The following FARP1 variants were observed in gnomAD, a reference collection of about 807,000 sequenced individuals.
FARP1 encodes FERM, ARH/RhoGEF and pleckstrin domain protein 1, also known as FERM, ARHGEF and pleckstrin domain-containing protein 1.
A neutral mutation model predicts 128.8 loss-of-function variants in FARP1; 52 were observed. The observed-to-expected ratio is 0.40, with a 90% confidence interval of 0.32 to 0.51. FARP1 has a LOEUF of 0.51. FARP1 is among the 20% of genes least tolerant of loss of function. The pLI is 0.45. For missense variants in FARP1, 1,333 were observed against 1,367.9 expected (o/e 0.97, Z 0.40); for synonymous variants, 580 against 551.8 (o/e 1.05, Z -0.72).
At chr13:98,193,976 G>A (rs1409456879) in intron 1 of FARP1, among the ~76,000 whole-genome samples, 3 of 151,928 alleles carry the variant, frequency 2.0e-5, no homozygotes, top group African/African-American at 7.3e-5. Flanking sequence ...TTAGTTCATT[G>A]CCTGTTTATT....
At chr13:98,390,512 A>C (rs1890265365) in intron 10 of FARP1, 2 of 443,376 alleles carry the variant, frequency 4.5e-6, no homozygotes, top group Non-Finnish European at 8.0e-6. Flanking sequence ...GAGCCCAGTG[A>C]TCCCTGCCTT....
At chr13:98,380,425 TAAA>T (rs548146531) in intron 6 of FARP1, among the ~76,000 whole-genome samples, 3 of 134,188 alleles carry the variant, frequency 2.2e-5, no homozygotes, top group Non-Finnish European at 3.2e-5. Context: ...AGACTCTGTC[TAAA>T]AAAAAAAAAA....
In FARP1 at chr13:98,263,473, T is replaced by C. The variant is rs1883969442; in HGVS notation, c.171+50060T>C. On this transcript the variant is annotated intron_variant, in intron 2 of 26. Coordinates refer to ENST00000319562, the MANE Select transcript of FARP1 (RefSeq NM_005766.4). ...TTGTCATTACTCTTGTATCATCTTT[T>C]GTACTTGGATCTATTTTCAAGACTG... Among the ~76,000 whole-genome samples the C allele has an allele frequency of 2.0e-5, 3 of 152,256 alleles. No homozygotes were observed. In the South Asian group the frequency reaches 6.2e-4, roughly 32 times the overall value.
At chr13:98,408,317 A>G (rs1891054228) in intron 13 of FARP1, among the ~76,000 whole-genome samples, 2 of 138,762 alleles carry the variant, frequency 1.4e-5, no homozygotes, top group Admixed American at 1.6e-4. Flanking sequence ...AGCGGGTAAT[A>G]TATACTTTTT....
chr13:98,198,411 A>C (rs1273755083), intron 1 of FARP1, among the ~76,000 whole-genome samples: 2 of 152,188 alleles, frequency 1.3e-5, no homozygotes, highest in Admixed American at 6.5e-5. Flanking sequence ...ATTATTAAGC[A>C]ATACAAAGAC....
rs1039103540 is a variant in FARP1, at chr13:98,450,177, A to C, written c.*1860A>C. The stretch of plus-strand genomic sequence containing the variant: ...GAGTGGAGTTTGAGACACACTACAC[A>C]TGAGACACACAATGATGCAGATACT... On this transcript the variant is annotated 3_prime_UTR_variant, in exon 27 of 27. Transcript: ENST00000319562. The C allele has an allele frequency of 2.0e-5, 3 of 152,150 alleles. No homozygotes were observed. The highest frequency in any genetic ancestry group is 7.2e-5 in the African/African-American group (3 of 41,426). The allele number at this position is 152,150 out of a possible 1,614,324, so 9.4% of individuals were successfully genotyped here. A position where few individuals can be genotyped will look rare whatever the true frequency, so the allele number is the denominator to read the frequency against.
intron 18 of FARP1, among the ~76,000 whole-genome samples, chr13:98,435,155 A>G (rs1892204529): frequency 6.6e-6 from 1 of 152,176 alleles, no homozygotes; most frequent in Admixed American, 6.5e-5. Context: ...CCTCCTCCCA[A>G]GGAGGTGCTG....
intron 3 of FARP1, among the ~76,000 whole-genome samples, chr13:98,363,380 C>T (rs1888953138): frequency 6.6e-6 from 1 of 152,186 alleles, no homozygotes; most frequent in African/African-American, 2.4e-5. Context: ...ATAGAATTTT[C>T]TGCATATTGT....
chr13:98,241,112 C>T (rs759161006), intron 2 of FARP1, among the ~76,000 whole-genome samples: 8 of 152,264 alleles, frequency 5.3e-5, no homozygotes, highest in Admixed American at 3.3e-4. Context: ...ATGGGGTGAA[C>T]GAAATTCTTA....
intron 17 of FARP1, among the ~76,000 whole-genome samples, chr13:98,430,528 C>G (rs538871586): frequency 6.6e-6 from 1 of 152,328 alleles, no homozygotes; most frequent in East Asian, 1.9e-4. Flanking sequence ...AGGGCGCTGT[C>G]TGACTCTCAT....
intron 2 of FARP1, chr13:98,333,226 A>T (rs1483117507): frequency 1.3e-5 from 2 of 152,328 alleles, no homozygotes; most frequent in African/African-American, 4.8e-5. Context: ...ATATTAAAGT[A>T]TCAAGCTGTC....
chr13:98,295,088 CACACACACACACACACATATAT>C (rs1222359085), intron 2 of FARP1, among the ~76,000 whole-genome samples: 1 of 84,494 alleles, frequency 1.2e-5, no homozygotes, highest in Non-Finnish European at 2.5e-5. Flanking sequence ...CACACACACA[CACACACACACACACACATATAT>C]CCCCAGGCAT....
intron 2 of FARP1, among the ~76,000 whole-genome samples, chr13:98,251,497 A>G (rs1002451940): frequency 2.0e-5 from 3 of 152,130 alleles, no homozygotes; most frequent in African/African-American, 7.2e-5. Flanking sequence ...AGCCTGGCCA[A>G]CATGGTGAAA....
chr13:98,452,143 CAA>C lies in FARP1; in HGVS notation c.*3827_*3828del, dbSNP rs1389832731. ...CCCTGTCCTCTGAAGAGTCACATTT[CAA>C]GGAGTATGCAAAATAAGCGTGTTAT... is the stretch of plus-strand genomic sequence containing the variant. On this transcript the variant is annotated 3_prime_UTR_variant, in exon 27 of 27. Transcript: ENST00000319562. 2.6e-5 allele frequency: 4 copies of C among 152,146 alleles called. No homozygotes were observed. Among genetic ancestry groups the C allele is most frequent in the African/African-American group, 9.7e-5 (4 of 41,424 alleles). 9.4% of individuals were successfully genotyped at this position (152,146 alleles called of 1,614,324 possible).
chr13:98,228,291 C>T (rs542257741), intron 2 of FARP1, among the ~76,000 whole-genome samples: 8 of 152,256 alleles, frequency 5.3e-5, no homozygotes, highest in East Asian at 1.9e-4. Flanking sequence ...ACCCAGGAGG[C>T]GGAGGCTGCC....
chr13:98,175,739 C>G, intron 1 of FARP1: 1 of 166,316 alleles, frequency 6.0e-6, no homozygotes, highest in Non-Finnish European at 1.3e-5. Context: ...GTAATTTTGA[C>G]AACTCTAGAT....
Position 98,336,492 on chromosome 13 carries a change from G to A in FARP1, c.172-7270G>A, listed in dbSNP as rs1164853502. Among the ~76,000 whole-genome samples, 4 of 152,224 alleles carry A rather than the reference G, an allele frequency of 2.6e-5. 1 individual carries two copies. Among genetic ancestry groups the A allele is most frequent in the East Asian group, 3.9e-4 (2 of 5,172 alleles). On this transcript the variant is annotated intron_variant, in intron 2 of 26. Coordinates refer to ENST00000319562, the MANE Select transcript of FARP1 (RefSeq NM_005766.4). ...TTGCCGTGTTGGCCAGACTGGTCTC[G>A]AACTCCTGACCTCAGGTGATTCACC...
At chr13:98,349,554 G>T (rs367576929) in intron 3 of FARP1, among the ~76,000 whole-genome samples, 6 of 151,382 alleles carry the variant, frequency 4.0e-5, no homozygotes, top group Non-Finnish European at 7.4e-5. Flanking sequence ...GTCTATATTC[G>T]CAGTTACTTG....
chr13:98,245,372 T>C, intron 2 of FARP1: 1 of 984,810 alleles, frequency 1.0e-6, no homozygotes, highest in Non-Finnish European at 1.2e-6. Context: ...CAGTTGATTT[T>C]AATGAGAAAA....
Sources: gnomAD v4.1 joint callset for allele counts (sites outside exome capture counted in the v4.1 genomes callset) on GRCh38, gnomAD v4.1.1 for gene constraint, MANE v1.5 for transcripts, NCBI Gene and HGNC (gene_info 2026-07-23, HGNC 2026-07-21) for gene names.